Variants in NKAIN3 observed in about 807,000 individuals in gnomAD.
The protein encoded by NKAIN3 is sodium/potassium-transporting ATPase subunit beta-1-interacting protein 3.
NKAIN3 carries 25 observed loss-of-function variants against 30.2 expected under a neutral mutation model. The ratio of observed to expected loss-of-function variants is 0.83; its 90% CI spans 0.60 to 1.16. The LOEUF (loss-of-function observed/expected upper bound fraction) is 1.16. Among genes scored for constraint, NKAIN3 ranks in the 50% most tolerant of loss-of-function variants. The probability of loss-of-function intolerance (pLI) is 0.00; values close to 1 mark genes in which losing one functional copy is unlikely to be tolerated. For synonymous variants in NKAIN3, 91 were observed against 89.6 expected, an observed-to-expected ratio of 1.02 and a Z score of -0.09; for missense variants, 225 against 254.1, an observed-to-expected ratio of 0.89 and a Z score of 0.78.
intron 1 of NKAIN3, among the ~76,000 whole-genome samples, chr8:62,316,555 T>A (rs1298338188): frequency 6.6e-6 from 1 of 152,156 alleles, no homozygotes; most frequent in Admixed American, 6.5e-5. Context: ...TGTGATAGTT[T>A]GCTGAGAATG....
At chr8:62,560,693 C>T (rs890476593) in intron 1 of NKAIN3, among the ~76,000 whole-genome samples, 3 of 151,638 alleles carry the variant, frequency 2.0e-5, no homozygotes, top group African/African-American at 7.3e-5. Flanking sequence ...GCACCCACCA[C>T]CACGCCTGGC....
At chr8:62,269,607 G>C (rs1287874046) in intron 1 of NKAIN3, among the ~76,000 whole-genome samples, 1 of 152,088 alleles carries the variant, frequency 6.6e-6, no homozygotes, top group African/African-American at 2.4e-5. Flanking sequence ...GGGGACACTT[G>C]TCTTCAGTGT....
chr8:62,746,454 A>G (rs1816074091), intron 3 of NKAIN3, among the ~76,000 whole-genome samples: 1 of 152,232 alleles, frequency 6.6e-6, no homozygotes, highest in South Asian at 2.1e-4. Flanking sequence ...GCAATTATTC[A>G]GCCTGCTATA....
At chr8:62,607,347 C>T (rs1811159909) in intron 3 of NKAIN3, among the ~76,000 whole-genome samples, 1 of 152,098 alleles carries the variant, frequency 6.6e-6, no homozygotes, top group Non-Finnish European at 1.5e-5. Flanking sequence ...ATGCACACCC[C>T]CTGCTGGGGC....
intron 1 of NKAIN3, among the ~76,000 whole-genome samples, chr8:62,296,864 C>T (rs997069379): frequency 2.6e-5 from 4 of 152,074 alleles, no homozygotes; most frequent in Admixed American, 1.3e-4. Context: ...TCTCCTCCTC[C>T]CTCTCATGCT....
intron 4 of NKAIN3, chr8:62,864,058 G>C: frequency 1.0e-5 from 7 of 689,444 alleles, no homozygotes; most frequent in Non-Finnish European, 1.9e-5. Context: ...GGCCTGAATG[G>C]GCAACACTTT....
chr8:62,989,774 G>C (rs1233282566), downstream of NKAIN3, among the ~76,000 whole-genome samples: 1 of 152,110 alleles, frequency 6.6e-6, no homozygotes, highest in Non-Finnish European at 1.5e-5. Flanking sequence ...GTTCTACTTG[G>C]CAGAATTGGT....
At chr8:62,767,385 G>A (rs964509304) in intron 4 of NKAIN3, among the ~76,000 whole-genome samples, 5 of 152,116 alleles carry the variant, frequency 3.3e-5, no homozygotes, top group Non-Finnish European at 5.9e-5. Flanking sequence ...ACCTGAAGAG[G>A]CTGGTGACCA....
intron 6 of NKAIN3, among the ~76,000 whole-genome samples, chr8:62,955,187 A>T (rs1172973064): frequency 6.6e-6 from 1 of 152,196 alleles, no homozygotes; most frequent in African/African-American, 2.4e-5. Flanking sequence ...AACATAGCTC[A>T]CAGGAAACAC....
At chr8:62,867,961 G>C (rs1484625653) in intron 4 of NKAIN3, among the ~76,000 whole-genome samples, 2 of 152,180 alleles carry the variant, frequency 1.3e-5, no homozygotes, top group East Asian at 3.8e-4. Flanking sequence ...AGCTGTGTAA[G>C]AATAAATGGC....
chr8:62,538,250 C>G (rs1264066681), intron 1 of NKAIN3, among the ~76,000 whole-genome samples: 1 of 152,166 alleles, frequency 6.6e-6, no homozygotes, highest in African/African-American at 2.4e-5. Flanking sequence ...TCTTGGCTCA[C>G]TGCAGCATCG....
At chr8:62,797,897 G>A (rs1465659547) in intron 4 of NKAIN3, among the ~76,000 whole-genome samples, 2 of 152,150 alleles carry the variant, frequency 1.3e-5, no homozygotes, top group Admixed American at 1.3e-4. Flanking sequence ...CAAGGAGAAT[G>A]CCATGTGAAG....
chr8:62,452,682 C>G (rs1317507012), intron 1 of NKAIN3, among the ~76,000 whole-genome samples: 2 of 152,010 alleles, frequency 1.3e-5, no homozygotes, highest in Non-Finnish European at 2.9e-5. Flanking sequence ...GTCTTGATTC[C>G]TAATCATTTT....
intron 5 of NKAIN3, among the ~76,000 whole-genome samples, chr8:62,927,657 T>A (rs1822491425): frequency 1.3e-5 from 2 of 152,156 alleles, no homozygotes; most frequent in Non-Finnish European, 2.9e-5. Flanking sequence ...TTACGCAGAT[T>A]AAGCAGATTT....
chr8:62,280,118 T>A (rs1356750723), intron 1 of NKAIN3, among the ~76,000 whole-genome samples: 1 of 152,128 alleles, frequency 6.6e-6, no homozygotes. Flanking sequence ...TCCTAGGTAT[T>A]TTATTCTCTT....
At chr8:62,547,107 A>T (rs983590898) in intron 1 of NKAIN3, among the ~76,000 whole-genome samples, 3 of 152,178 alleles carry the variant, frequency 2.0e-5, no homozygotes, top group African/African-American at 7.2e-5. Flanking sequence ...TTAATGAGTT[A>T]CAACTGTGCC....
intron 1 of NKAIN3, among the ~76,000 whole-genome samples, chr8:62,535,122 G>T (rs1349448612): frequency 2.0e-5 from 3 of 152,092 alleles, no homozygotes; most frequent in African/African-American, 7.2e-5. Context: ...ATCCAAAATT[G>T]GTAGAGCTAG....
At chr8:62,695,182 A>G (rs1370422882) in intron 3 of NKAIN3, among the ~76,000 whole-genome samples, 1 of 152,196 alleles carries the variant, frequency 6.6e-6, no homozygotes, top group African/African-American at 2.4e-5. Flanking sequence ...CTGTATTACA[A>G]TTATTTCATG....
intron 1 of NKAIN3, among the ~76,000 whole-genome samples, chr8:62,503,234 A>G (rs1250470188): frequency 1.3e-5 from 2 of 152,192 alleles, no homozygotes; most frequent in South Asian, 2.1e-4. Flanking sequence ...GTGACATCAC[A>G]TATCGGTAGG....
Sources: allele counts gnomAD v4.1 joint callset (sites outside exome capture counted in the v4.1 genomes callset), GRCh38; gene constraint gnomAD v4.1.1; transcripts MANE v1.5; gene names NCBI Gene and HGNC (gene_info 2026-07-23, HGNC 2026-07-21).